Variants in RBM25 observed in about 807,000 individuals in gnomAD.
RBM25 encodes the protein RNA-binding protein 25.
RBM25 carries 19 observed loss-of-function variants against 120.7 expected under a neutral mutation model. The ratio of observed to expected loss-of-function variants is 0.16; its 90% CI spans 0.11 to 0.23. The LOEUF (loss-of-function observed/expected upper bound fraction) is 0.23. Among genes scored for constraint, RBM25 ranks in the 10% least tolerant of loss-of-function variants. The pLI, the probability that RBM25 is intolerant of heterozygous loss-of-function variation, is 1.00. For missense variants in RBM25, 605 were observed against 1,041.5 expected, an observed-to-expected ratio of 0.58 and a Z score of 5.77; for synonymous variants, 390 against 326.7, an observed-to-expected ratio of 1.19 and a Z score of -2.09.
intron 13 of RBM25, among the ~76,000 whole-genome samples, chr14:73,108,442 GTC>G (rs1896236520): frequency 6.6e-6 from 1 of 152,126 alleles, no homozygotes; most frequent in Admixed American, 6.5e-5. Flanking sequence ...TTGACCTCCC[GTC>G]TCTCACCCCA....
chr14:73,119,763 G>A lies in RBM25; in HGVS notation c.2490G>A (p.Leu830=), dbSNP rs766480351. ...EVFIVKMWRL[L]IYETEAKKIG... is the part of the protein sequence containing the mutation. ...TTATAGTCAAAATGTGGAGATTATT[G>A]ATATATGAAACAGAAGCCAAGAAAA... The change falls in exon 19 of 19, where the codon TTG becomes TTA. Residue 830 remains leucine (L), a synonymous_variant. Transcript: ENST00000261973. 2 of 1,611,104 alleles carry A rather than the reference G, an allele frequency of 1.2e-6. No homozygotes were observed. The highest frequency in any genetic ancestry group is 1.7e-6 in the Non-Finnish European group (2 of 1,179,334).
chr14:73,109,686 G>C (rs1248748366), intron 14 of RBM25, among the ~76,000 whole-genome samples, 194 bp downstream of exon 14: 2 of 151,922 alleles, frequency 1.3e-5, no homozygotes, highest in Admixed American at 1.3e-4. Context: ...CCAGCTACTC[G>C]GGAGGCCGAG....
intron 1 of RBM25, among the ~76,000 whole-genome samples, chr14:73,061,477 ATTCC>A (rs1251199228): frequency 1.3e-5 from 2 of 151,402 alleles, no homozygotes; most frequent in African/African-American, 4.8e-5. Flanking sequence ...CCCCAAAAGG[ATTCC>A]TTCTGTCTGT....
rs1018449350 is a variant in RBM25 at position 73,120,227 on chromosome 14, C to G, written c.*422C>G. On this transcript the variant is annotated 3_prime_UTR_variant, in exon 19 of 19. Coordinates refer to ENST00000261973, the MANE Select transcript of RBM25 (RefSeq NM_021239.3). ...CAGTCATAAACTATTACCACCCCCA[C>G]TCTCTTTTGATCAGAAATGGCAAGC... 3.9e-5 allele frequency: 6 copies of G among 153,898 alleles called. No individual in the cohort carries two copies. Among genetic ancestry groups the G allele is most frequent in the Admixed American group, 3.3e-4 (5 of 15,298 alleles). 9.5% of individuals were successfully genotyped at this position (153,898 alleles called of 1,614,324 possible).
chr14:73,066,021 A>C (rs1459665131), intron 1 of RBM25, among the ~76,000 whole-genome samples: 1 of 152,168 alleles, frequency 6.6e-6, no homozygotes, highest in Admixed American at 6.6e-5. Flanking sequence ...TGTTTATTGA[A>C]GTCCTCAGAG....
intron 6 of RBM25, among the ~76,000 whole-genome samples, chr14:73,091,989 A>G (rs527622935): frequency 6.6e-6 from 1 of 152,138 alleles, no homozygotes; most frequent in Non-Finnish European, 1.5e-5. Context: ...CAACTGTTAT[A>G]TGTGTATTTC....
At chr14:73,107,136 C>T (rs1256629738) in intron 12 of RBM25, among the ~76,000 whole-genome samples, 1 of 152,176 alleles carries the variant, frequency 6.6e-6, no homozygotes, top group Non-Finnish European at 1.5e-5. Context: ...CCACCACGCC[C>T]AGCCATATTT....
At position 73,099,719 on chromosome 14, in the gene RBM25, G is replaced by T; in HGVS notation, c.836G>T (p.Arg279Leu). Residue 279 changes from arginine to leucine, a missense_variant, in exon 9 of 19, where the codon CGA (arginine) becomes CTA (leucine). Arg to Leu is a moderately radical substitution (Grantham distance 102, BLOSUM62 -2). Around this residue, in one of 4 missense-constraint regions of RBM25, gnomAD observed 465 missense variants for 741.6 expected, o/e 0.63. Coordinates refer to ENST00000261973, the MANE Select transcript of RBM25 (RefSeq NM_021239.3). ...MEEDKRDLIS[R>L]EISKFRDTHK... ...GAAGACAAAAGAGACCTGATATCTCGAGAGATCAGCAAATTCAGAGACACA... is the reference window on the plus strand; with the variant it reads ...GAAGACAAAAGAGACCTGATATCTCTAGAGATCAGCAAATTCAGAGACACA... 1 of 1,609,388 alleles carries T rather than the reference G, an allele frequency of 6.2e-7. No homozygotes were observed. The highest frequency in any genetic ancestry group is 8.5e-7 in the Non-Finnish European group (1 of 1,178,920).
chr14:73,071,713 G>T lies in RBM25; in HGVS notation c.72G>T (p.Pro24=). Reference sequence around the variant, plus strand: ...CACTCCCACCAGGGATCCCACCCCCGCAGTTTCCAGGATTTCCTCCACCTG... The same window carrying T: ...CACTCCCACCAGGGATCCCACCCCCTCAGTTTCCAGGATTTCCTCCACCTG... ...IPALPPGIPP[P]QFPGFPPPVP... The change falls in exon 2 of 19, where the codon CCG becomes CCT. Residue 24 remains proline, a synonymous_variant. Coordinates refer to ENST00000261973, the MANE Select transcript of RBM25 (RefSeq NM_021239.3). The T allele has an allele frequency of 5.6e-6, 9 of 1,613,800 alleles. No homozygotes were observed. In the South Asian group the frequency reaches 6.6e-5, roughly 12 times the overall value.
chr14:73,105,889 A>C lies in RBM25; in HGVS notation c.1185A>C (p.Arg395=). ...AAAGCAGAGATCGTGAAAGGGAACG[A>C]GAGCGGGAAAGAGAGAGAGAGAGAG... ...REKSRDRERE[R]ERERERERER... The change falls in exon 11 of 19, where the codon CGA becomes CGC. Residue 395 remains arginine (R), a synonymous_variant. Coordinates refer to ENST00000261973, the MANE Select transcript of RBM25 (RefSeq NM_021239.3). The C allele has an allele frequency of 6.2e-7, 1 of 1,613,112 alleles. No individual in the cohort carries two copies. The highest frequency in any genetic ancestry group is 8.5e-7 in the Non-Finnish European group (1 of 1,179,558).
chr14:73,108,360 A>G (rs113452352), intron 13 of RBM25, among the ~76,000 whole-genome samples: 81 of 152,270 alleles, frequency 5.3e-4, no homozygotes, highest in African/African-American at 1.7e-3. Context: ...GCTAGGTCCA[A>G]TTTTTATAGC....
Position 73,097,120 on chromosome 14 carries a change from CAT to C in RBM25, c.729+23_729+24del, listed in dbSNP as rs764718658. ...GAGGACGTATGTGTTCTGACAACAA[CAT>C]ATCATTTCTACCGTTTGTTTTTTAT... On this transcript the variant is annotated intron_variant, in intron 7 of 18. Coordinates refer to ENST00000261973, the MANE Select transcript of RBM25 (RefSeq NM_021239.3). 19 of 1,534,776 alleles carry C rather than the reference CAT, an allele frequency of 1.2e-5. No homozygotes were observed. Among genetic ancestry groups the C allele is most frequent in the Non-Finnish European group, 1.6e-5 (18 of 1,136,518 alleles).
At position 73,076,212 on chromosome 14, in the gene RBM25, C is replaced by A. The variant is rs1448431087; in HGVS notation, c.107-107C>A. 3 of 931,466 alleles carry A rather than the reference C, an allele frequency of 3.2e-6. No individual in the cohort carries two copies. The East Asian group carries it at 7.4e-5, about 23-fold the overall frequency. 57.7% of individuals were successfully genotyped at this position (931,466 alleles called of 1,614,324 possible). ...TTATCAGTATTTCACTTTCATTTGTCTTATATTTCCACTTATGTTAATTAT... is the reference window on the plus strand; with the variant it reads ...TTATCAGTATTTCACTTTCATTTGTATTATATTTCCACTTATGTTAATTAT... On this transcript the variant is annotated intron_variant, in intron 2 of 18. Coordinates refer to ENST00000261973, the MANE Select transcript of RBM25 (RefSeq NM_021239.3).
At chr14:73,068,318 TGGTTG>T in intron 1 of RBM25, 1 of 772,886 alleles carries the variant, frequency 1.3e-6, no homozygotes, top group Admixed American at 1.9e-5. Flanking sequence ...AAGGATTTCA[TGGTTG>T]GAAGGTGTGC....
Position 73,071,735 on chromosome 14 carries a change from C to A in RBM25, c.94C>A (p.Pro32Thr). 6.2e-7 allele frequency: 1 copy of A among 1,611,972 alleles called. No homozygotes were observed. The highest frequency in any genetic ancestry group is 8.5e-7 in the Non-Finnish European group (1 of 1,178,048). Reference protein sequence around the residue: ...PPPQFPGFPPPVPPGTPMIPV... With the variant: ...PPPQFPGFPPTVPPGTPMIPV... The stretch of plus-strand genomic sequence containing the variant: ...CCCGCAGTTTCCAGGATTTCCTCCA[C>A]CTGTACCTCCAGGTAAGTTTGTTGA... Residue 32 changes from proline to threonine, a missense_variant, in exon 2 of 19, where the codon CCT (proline) becomes ACT (threonine). Transcript: ENST00000261973.
chr14:73,063,935 A>G (rs1566579343), intron 1 of RBM25, among the ~76,000 whole-genome samples: 1 of 151,478 alleles, frequency 6.6e-6, no homozygotes, highest in Non-Finnish European at 1.5e-5. Context: ...ATTCTGCTCC[A>G]GTCATACTGT....
chr14:73,072,723 G>A (rs10147339), intron 2 of RBM25, among the ~76,000 whole-genome samples: 2,287 of 152,282 alleles, frequency 0.015, 58 homozygotes, highest in African/African-American at 0.051. Context: ...ACTGAGGTGG[G>A]AGGATGGCCT....
chr14:73,077,294 T>C (rs1369017566), intron 3 of RBM25, 75 bp from the exon 4 acceptor site: 1 of 1,282,894 alleles, frequency 7.8e-7, no homozygotes, highest in Non-Finnish European at 1.1e-6. Flanking sequence ...TTAATCCTGA[T>C]GTTTTTAGCC....
At chr14:73,103,938 TCTCTCTCTCTCACACA>T (rs1163069710) in intron 10 of RBM25, among the ~76,000 whole-genome samples, 363 of 53,440 alleles carry the variant, frequency 6.8e-3, no homozygotes, top group East Asian at 0.029. Flanking sequence ...TCTCTCTCTC[TCTCTCTCTCTCACACA>T]CACACACACA....
Sources: gnomAD v4.1 joint callset for allele counts (sites outside exome capture counted in the v4.1 genomes callset) on GRCh38, gnomAD v4.1.1 for gene constraint, gnomAD v4.1.1 regional missense constraint, MANE v1.5 for transcripts, NCBI Gene and HGNC (gene_info 2026-07-23, HGNC 2026-07-21) for gene names.